Variants in SLC1A1 observed in about 807,000 individuals in gnomAD.
SLC1A1 encodes excitatory amino acid transporter 3.
In SLC1A1, 43 loss-of-function variants were observed where a neutral mutation model predicts 53.3. The ratio of observed to expected loss-of-function variants is 0.81; its 90% CI spans 0.63 to 1.04. The LOEUF is 1.04. Among genes scored for constraint, SLC1A1 ranks in the 50% least tolerant of loss-of-function variants. SLC1A1 has a pLI of 0.00. For missense variants in SLC1A1, 748 were observed against 664.9 expected, an observed-to-expected ratio of 1.12 and a Z score of -1.37; for synonymous variants, 307 against 243.2, an observed-to-expected ratio of 1.26 and a Z score of -2.44.
intron 3 of SLC1A1, among the ~76,000 whole-genome samples, chr9:4,563,507 G>A (rs1468429765): frequency 1.3e-5 from 2 of 152,162 alleles, no homozygotes; most frequent in Non-Finnish European, 2.9e-5. Flanking sequence ...CCTCCCATTA[G>A]CAAAATGGAC....
intron 2 of SLC1A1, among the ~76,000 whole-genome samples, chr9:4,547,659 G>A (rs1817598144): frequency 6.6e-6 from 1 of 151,884 alleles, no homozygotes; most frequent in Non-Finnish European, 1.5e-5. Context: ...TCTCAGAATT[G>A]ATCATAAAGA....
chr9:4,548,426 A>G (rs138562040), intron 2 of SLC1A1, among the ~76,000 whole-genome samples: 1 of 152,340 alleles, frequency 6.6e-6, no homozygotes, highest in Non-Finnish European at 1.5e-5. Context: ...GTAAATTAGA[A>G]GCAGAAACAC....
chr9:4,517,078 T>C (rs534796333), intron 1 of SLC1A1, among the ~76,000 whole-genome samples: 14 of 152,328 alleles, frequency 9.2e-5, no homozygotes, highest in African/African-American at 3.4e-4. Context: ...TAACAGGCTT[T>C]TTAGATCAGA....
At chr9:4,557,054 T>A (rs1818464486) in intron 2 of SLC1A1, among the ~76,000 whole-genome samples, 1 of 152,146 alleles carries the variant, frequency 6.6e-6, no homozygotes, top group African/African-American at 2.4e-5. Context: ...TATAAGCGGT[T>A]TCTAAGGGGA....
At chr9:4,548,174 C>G (rs954561385) in intron 2 of SLC1A1, among the ~76,000 whole-genome samples, 1 of 152,114 alleles carries the variant, frequency 6.6e-6, no homozygotes, top group African/African-American at 2.4e-5. Flanking sequence ...CATCTCTGCT[C>G]CCTTCCCCTG....
Position 4,493,699 on chromosome 9 carries a change from T to A in SLC1A1, c.91+2929T>A, listed in dbSNP as rs528901431. 4.9e-4 allele frequency among the ~76,000 whole-genome samples: 75 copies of A among 152,336 alleles called. 1 individual carries two copies. In the South Asian group the frequency reaches 0.012, roughly 24 times the overall value. ...AGGAGGAATGAGTGAGTTCAGGAGT[T>A]TGAGACCAGCCTGATCTCATCTCTA... On this transcript the variant is annotated intron_variant, in intron 1 of 11. Transcript: ENST00000262352.
intron 6 of SLC1A1, 121 bp downstream of exon 6, chr9:4,567,888 A>G: frequency 1.3e-6 from 1 of 743,982 alleles, no homozygotes. Flanking sequence ...CCTACTTGCT[A>G]AAATTTATGT....
Position 4,535,365 on chromosome 9 carries a change from G to T in SLC1A1, c.92-9202G>T, listed in dbSNP as rs145867523. 2.0e-4 allele frequency among the ~76,000 whole-genome samples: 31 copies of T among 152,172 alleles called. No homozygotes were observed. The East Asian group carries it at 5.6e-3, about 28-fold the overall frequency. Reference sequence around the variant, plus strand: ...ATAGGCAACTTCAGCAAAGTCTCAGGATACAAAATCAATGTGCAAAAAATC... The same window carrying T: ...ATAGGCAACTTCAGCAAAGTCTCAGTATACAAAATCAATGTGCAAAAAATC... On this transcript the variant is annotated intron_variant, in intron 1 of 11. Coordinates refer to ENST00000262352, the MANE Select transcript of SLC1A1 (RefSeq NM_004170.6).
Position 4,586,157 on chromosome 9 carries a change from T to G in SLC1A1, c.*599T>G, listed in dbSNP as rs1052735220. The G allele has an allele frequency of 6.2e-6, 1 of 161,454 alleles. No individual in the cohort carries two copies. The highest frequency in any genetic ancestry group is 2.4e-5 in the African/African-American group (1 of 41,570). 10.0% of individuals were successfully genotyped at this position (161,454 alleles called of 1,614,324 possible). A position where few individuals can be genotyped will look rare whatever the true frequency, so the allele number is the denominator to read the frequency against. ...TGGAAGAAAGGGAGAAGGATTCTTT[T>G]TTCAATGTACTGTATTGGGACGCTG... On this transcript the variant is annotated 3_prime_UTR_variant, in exon 12 of 12. Coordinates refer to ENST00000262352, the MANE Select transcript of SLC1A1 (RefSeq NM_004170.6).
intron 7 of SLC1A1, among the ~76,000 whole-genome samples, chr9:4,572,596 G>A (rs575571106): frequency 6.6e-6 from 1 of 152,204 alleles, no homozygotes; most frequent in Non-Finnish European, 1.5e-5. Flanking sequence ...ACCCCAGGGT[G>A]GAGTGCAGTG....
intron 2 of SLC1A1, among the ~76,000 whole-genome samples, chr9:4,551,998 C>T (rs1817967447): frequency 6.6e-6 from 1 of 152,208 alleles, no homozygotes; most frequent in Admixed American, 6.5e-5. Flanking sequence ...TAAATATGCC[C>T]TGCTTTAGTC....
Position 4,586,477 on chromosome 9 carries a change from C to G in SLC1A1, c.*919C>G, listed in dbSNP as rs1821583265. On this transcript the variant is annotated 3_prime_UTR_variant, in exon 12 of 12. Coordinates refer to ENST00000262352, the MANE Select transcript of SLC1A1 (RefSeq NM_004170.6). ...TGGTGATACTCCAAGGTGGCATAGC[C>G]ATTCATTTACAACTTCCAGATTTGA... 1 of 152,282 alleles carries G rather than the reference C, an allele frequency of 6.6e-6. No homozygotes were observed. The highest frequency in any genetic ancestry group is 1.5e-5 in the Non-Finnish European group (1 of 68,024). The allele number at this position is 152,282 out of a possible 1,614,324, so 9.4% of individuals were successfully genotyped here. A position where few individuals can be genotyped will look rare whatever the true frequency, so the allele number is the denominator to read the frequency against.
At chr9:4,567,625 ATTC>A in intron 5 of SLC1A1, 41 bp from the exon 6 acceptor site, 4 of 1,322,160 alleles carry the variant, frequency 3.0e-6, no homozygotes, top group Non-Finnish European at 4.3e-6. Context: ...CTTAAAAAAA[ATTC>A]TTTTTTTGTT....
At chr9:4,504,160 T>C (rs1820725493) in intron 1 of SLC1A1, among the ~76,000 whole-genome samples, 1 of 151,910 alleles carries the variant, frequency 6.6e-6, no homozygotes, top group African/African-American at 2.4e-5. Context: ...CTCCAGATAA[T>C]TCTCTGGGCT....
intron 6 of SLC1A1, 120 bp from the exon 7 acceptor site, chr9:4,572,082 ACT>A: frequency 1.2e-6 from 1 of 833,820 alleles, no homozygotes. Flanking sequence ...AGTTTTGTTG[ACT>A]CTGCCTGGGA....
chr9:4,583,820 G>C lies in SLC1A1; in HGVS notation c.1328+648G>C, dbSNP rs1821321175. On this transcript the variant is annotated intron_variant, in intron 11 of 11. Coordinates refer to ENST00000262352, the MANE Select transcript of SLC1A1 (RefSeq NM_004170.6). The surrounding 1 kb of genome is among the most constrained non-coding windows in gnomAD (Gnocchi z 4.6). ...CAAGTTTTATTGTTATGATTAGAATGAGTTGGACCATTCAGGCCCCAATCA... is the reference window on the plus strand; with the variant it reads ...CAAGTTTTATTGTTATGATTAGAATCAGTTGGACCATTCAGGCCCCAATCA... Among the ~76,000 whole-genome samples the C allele has an allele frequency of 6.6e-6, 1 of 150,950 alleles. No homozygotes were observed. The highest frequency in any genetic ancestry group is 1.5e-5 in the Non-Finnish European group (1 of 67,894).
intron 10 of SLC1A1, among the ~76,000 whole-genome samples, chr9:4,579,864 A>G (rs1820891771): frequency 6.6e-6 from 1 of 152,138 alleles, no homozygotes; most frequent in Admixed American, 6.5e-5. Flanking sequence ...AAAGGTTACA[A>G]CGGATTGAAA....
Position 4,587,255 on chromosome 9 carries a change from T to C in SLC1A1, c.*1697T>C, listed in dbSNP as rs1821634012. ...TGTTTATAGGAAATAAATCTAAATA[T>C]AAATGAAATTGAATCAGTAATTTAT... On this transcript the variant is annotated 3_prime_UTR_variant, in exon 12 of 12. Coordinates refer to ENST00000262352, the MANE Select transcript of SLC1A1 (RefSeq NM_004170.6). The C allele has an allele frequency of 6.6e-6, 1 of 152,276 alleles. No homozygotes were observed. The highest frequency in any genetic ancestry group is 2.4e-5 in the African/African-American group (1 of 41,472). 9.4% of individuals were successfully genotyped at this position (152,276 alleles called of 1,614,324 possible). A position where few individuals can be genotyped will look rare whatever the true frequency, so the allele number is the denominator to read the frequency against.
rs533132069 is a variant in SLC1A1, at chr9:4,585,528, C to T, written c.1545C>T (p.Thr515=). The T allele has an allele frequency of 2.5e-6, 4 of 1,614,220 alleles. No individual in the cohort carries two copies. Among genetic ancestry groups the T allele is most frequent in the Non-Finnish European group, 2.5e-6 (3 of 1,180,040 alleles). The change falls in exon 12 of 12, where the codon ACC becomes ACT. Residue 515 remains threonine (T), a synonymous_variant. Transcript: ENST00000262352. ...NGGFAVDKSD[T]ISFTQTSQF The stretch of plus-strand genomic sequence containing the variant: ...GCTTTGCAGTAGACAAGTCTGACAC[C>T]ATCTCATTCACCCAGACCTCACAGT...
Sources: gnomAD v4.1 joint callset for allele counts (sites outside exome capture counted in the v4.1 genomes callset) on GRCh38, gnomAD v4.1.1 for gene constraint, Gnocchi (gnomAD v3.1) non-coding constraint, MANE v1.5 for transcripts, NCBI Gene and HGNC (gene_info 2026-07-23, HGNC 2026-07-21) for gene names.